Variants in PSIP1 observed in about 807,000 individuals in gnomAD.
PSIP1 encodes the protein PC4 and SRSF1 interacting protein 1, also known as PC4 and SFRS1-interacting protein.
Under a neutral mutation model 74.7 loss-of-function variants are expected in PSIP1, and 19 were observed. The ratio of observed to expected loss-of-function variants is 0.25; its 90% CI spans 0.18 to 0.37. The LOEUF (loss-of-function observed/expected upper bound fraction) is 0.37. Ranked by LOEUF, PSIP1 falls within the 10% of genes least tolerant of loss-of-function variation. PSIP1 has a pLI of 1.00. For missense variants in PSIP1, 601 were observed against 614.3 expected (o/e 0.98, Z 0.23); for synonymous variants, 222 against 195.3 (o/e 1.14, Z -1.14).
chr9:15,475,436 A>G (rs986919393), intron 8 of PSIP1, among the ~76,000 whole-genome samples: 1 of 152,120 alleles, frequency 6.6e-6, no homozygotes, highest in Non-Finnish European at 1.5e-5. Flanking sequence ...ACTTCTCCCA[A>G]AATGTTACAC....
chr9:15,491,580 A>AT (rs1332425042), intron 3 of PSIP1, among the ~76,000 whole-genome samples: 1 of 152,194 alleles, frequency 6.6e-6, no homozygotes. Context: ...ATAGTTCTTA[A>AT]TTTACTAGGA....
At chr9:15,472,370 C>T in intron 10 of PSIP1, 1 of 1,257,840 alleles carries the variant, frequency 8.0e-7, no homozygotes, top group Non-Finnish European at 1.0e-6. Flanking sequence ...CTTGCAAAGC[C>T]AGTATCAATT....
At chr9:15,486,595 GTT>G (rs1006974352) in intron 5 of PSIP1, among the ~76,000 whole-genome samples, 10 of 152,062 alleles carry the variant, frequency 6.6e-5, no homozygotes, top group African/African-American at 2.4e-4. Context: ...TGGACTTCAT[GTT>G]TTACATATAA....
intron 3 of PSIP1, among the ~76,000 whole-genome samples, chr9:15,495,989 T>C (rs1199917254): frequency 6.6e-6 from 1 of 152,186 alleles, no homozygotes; most frequent in African/African-American, 2.4e-5. Flanking sequence ...CCAATTTCCT[T>C]GTTTATTTTG....
In PSIP1 at chr9:15,472,636, C is replaced by G; in HGVS notation, c.973G>C (p.Glu325Gln). Residue 325 changes from glutamate (E) to glutamine (Q), a missense_variant, in exon 10 of 16, where the codon GAG becomes CAG. This residue lies in a region of PSIP1 where 538 missense variants were observed against 507.6 expected (regional missense o/e 1.06). Coordinates refer to ENST00000380733, the MANE Select transcript of PSIP1 (RefSeq NM_033222.5). Reference sequence around the variant, plus strand: ...TAGAAAAAAAAAAATACTTACTGCTCAGTTTCCATTTGTTCCTCTTGCTTG... The same window carrying G: ...TAGAAAAAAAAAAATACTTACTGCTGAGTTTCCATTTGTTCCTCTTGCTTG... ...KRKQEEQMET[E>Q]QQNKDEGKKP... is the part of the protein sequence containing the mutation. 6.3e-7 allele frequency: 1 copy of G among 1,585,716 alleles called. No individual in the cohort carries two copies. Among genetic ancestry groups the G allele is most frequent in the South Asian group, 1.2e-5 (1 of 84,394 alleles).
At chr9:15,470,605 A>T in intron 10 of PSIP1, 1 of 952,620 alleles carries the variant, frequency 1.0e-6, no homozygotes, top group South Asian at 4.9e-5. Flanking sequence ...CAATTCAAAT[A>T]GACAAGAACA....
intron 2 of PSIP1, among the ~76,000 whole-genome samples, chr9:15,507,638 T>A (rs535994992): frequency 6.6e-6 from 1 of 150,918 alleles, no homozygotes; most frequent in East Asian, 1.9e-4. Context: ...ATCCTGTCTT[T>A]AAAAAAAACA....
At chr9:15,502,174 TG>T (rs1475182210) in intron 3 of PSIP1, among the ~76,000 whole-genome samples, 2 of 152,154 alleles carry the variant, frequency 1.3e-5, no homozygotes, top group African/African-American at 4.8e-5. Context: ...TGGAAAAAAC[TG>T]TCTTCCATTG....
intron 3 of PSIP1, chr9:15,505,114 T>A (rs1299141514): frequency 6.6e-6 from 1 of 152,134 alleles, no homozygotes; most frequent in South Asian, 2.1e-4. Flanking sequence ...AATTTTTGTA[T>A]TTTTTGTAGA....
At chr9:15,483,990 T>C (rs916483852) in intron 6 of PSIP1, among the ~76,000 whole-genome samples, 12 of 151,278 alleles carry the variant, frequency 7.9e-5, no homozygotes, top group Non-Finnish European at 4.4e-5. Context: ...TAGCCAGGCG[T>C]GGTGGTGCAC....
At chr9:15,502,634 G>A (rs2037399893) in intron 3 of PSIP1, among the ~76,000 whole-genome samples, 1 of 152,184 alleles carries the variant, frequency 6.6e-6, no homozygotes, top group African/African-American at 2.4e-5. Context: ...ATGACCAAGA[G>A]CGGACAGATC....
At chr9:15,502,205 G>C (rs949888308) in intron 3 of PSIP1, among the ~76,000 whole-genome samples, 4 of 151,916 alleles carry the variant, frequency 2.6e-5, no homozygotes, top group African/African-American at 7.3e-5. Context: ...ATCATCTCTA[G>C]ATCACTTATA....
intron 4 of PSIP1, among the ~76,000 whole-genome samples, chr9:15,487,574 C>A (rs141822186): frequency 7.4e-4 from 112 of 152,248 alleles, no homozygotes; most frequent in African/African-American, 2.5e-3. Flanking sequence ...TGCACTCCAA[C>A]CTGGGCGACA....
Position 15,464,271 on chromosome 9 carries a change from T to C in PSIP1, c.*1249A>G, listed in dbSNP as rs2035457254. On this transcript the variant is annotated 3_prime_UTR_variant, in exon 16 of 16. Transcript: ENST00000380733. ...GCAATTCTGTAGATGAAAACAGTTATCTCAGAGGGTCAACCACACAATGTC... is the reference window on the plus strand; with the variant it reads ...GCAATTCTGTAGATGAAAACAGTTACCTCAGAGGGTCAACCACACAATGTC... The C allele has an allele frequency of 5.2e-6, 1 of 193,862 alleles. No homozygotes were observed. Among genetic ancestry groups the C allele is most frequent in the African/African-American group, 2.3e-5 (1 of 43,176 alleles). The allele number at this position is 193,862 out of a possible 1,614,324, so 12.0% of individuals were successfully genotyped here. A position where few individuals can be genotyped will look rare whatever the true frequency, so the allele number is the denominator to read the frequency against.
intron 2 of PSIP1, among the ~76,000 whole-genome samples, chr9:15,509,502 C>A (rs1035136308): frequency 1.3e-5 from 2 of 152,120 alleles, no homozygotes; most frequent in African/African-American, 4.8e-5. Flanking sequence ...AAAGGTAAAA[C>A]AACTTCTTCA....
rs1212032383 is a variant in PSIP1 at position 15,464,090 on chromosome 9, AAAC to A, written c.*1427_*1429del. On this transcript the variant is annotated 3_prime_UTR_variant, in exon 16 of 16. Coordinates refer to ENST00000380733, the MANE Select transcript of PSIP1 (RefSeq NM_033222.5). The stretch of plus-strand genomic sequence containing the variant: ...GTTTGATAGAAAAATTCTTTAATGA[AAAC>A]AAGTTTACACGTTGAACTTATGGCT... 2 of 178,836 alleles carry A rather than the reference AAAC, an allele frequency of 1.1e-5. No homozygotes were observed. The highest frequency in any genetic ancestry group is 2.4e-5 in the African/African-American group (1 of 42,278). 11.1% of individuals were successfully genotyped at this position (178,836 alleles called of 1,614,324 possible).
Position 15,486,063 on chromosome 9 carries a change from C to A in PSIP1, c.399G>T (p.Val133=). 6.2e-7 allele frequency: 1 copy of A among 1,601,992 alleles called. No individual in the cohort carries two copies. The highest frequency in any genetic ancestry group is 8.5e-7 in the Non-Finnish European group (1 of 1,172,748). The change falls in exon 6 of 16, where the codon GTG becomes GTT. Residue 133 remains valine, a synonymous_variant. Coordinates refer to ENST00000380733, the MANE Select transcript of PSIP1 (RefSeq NM_033222.5). ...DHEEKASNED[V]TKAVDITTPK... Reference sequence around the variant, plus strand: ...GAGTAGTTATGTCAACTGCTTTAGTCACATCCTAAAAAAGAAAAAAGAAAA... The same window carrying A: ...GAGTAGTTATGTCAACTGCTTTAGTAACATCCTAAAAAAGAAAAAAGAAAA...
chr9:15,470,527 A>G (rs571291323), intron 10 of PSIP1: 1 of 839,110 alleles, frequency 1.2e-6, no homozygotes, highest in South Asian at 5.5e-5. Context: ...CAATCACAAA[A>G]ATAACCACTT....
chr9:15,488,743 T>C (rs1336989189), intron 4 of PSIP1, among the ~76,000 whole-genome samples: 1 of 150,246 alleles, frequency 6.7e-6, no homozygotes, highest in East Asian at 2.0e-4. Context: ...AAAATTAGGC[T>C]GGACACAGTG....
Sources: gnomAD v4.1 joint callset for allele counts (sites outside exome capture counted in the v4.1 genomes callset) on GRCh38, gnomAD v4.1.1 for gene constraint, gnomAD v4.1.1 regional missense constraint, MANE v1.5 for transcripts, NCBI Gene and HGNC (gene_info 2026-07-23, HGNC 2026-07-21) for gene names.